The following CSMD3 variants were observed in gnomAD, a reference collection of about 807,000 sequenced individuals.
CSMD3 encodes the protein CUB and Sushi multiple domains 3.
CSMD3 carries 177 observed loss-of-function variants against 435.2 expected under a neutral mutation model. The observed-to-expected ratio is 0.41, with a 90% confidence interval of 0.36 to 0.46. CSMD3 has a LOEUF of 0.46. Ranked by LOEUF, CSMD3 falls within the 20% of genes least tolerant of loss-of-function variation. The pLI is 0.34. For missense variants in CSMD3, 4,265 were observed against 4,504.6 expected (o/e 0.95, Z 1.52); for synonymous variants, 1,656 against 1,520.5 (o/e 1.09, Z -2.07).
intron 13 of CSMD3, among the ~76,000 whole-genome samples, chr8:112,718,415 A>G (rs2076781370): frequency 6.6e-6 from 1 of 151,866 alleles, no homozygotes; most frequent in Non-Finnish European, 1.5e-5. Flanking sequence ...ACTCAACTCA[A>G]AATCACACTT....
At chr8:113,417,999 C>G (rs1188385884) in intron 1 of CSMD3, among the ~76,000 whole-genome samples, 1 of 151,942 alleles carries the variant, frequency 6.6e-6, no homozygotes, top group Non-Finnish European at 1.5e-5. Flanking sequence ...AATATTAGGT[C>G]AATTAATATT....
Position 112,224,687 on chromosome 8 carries a change from CTTTAA to C in CSMD3, c.*79_*83del. 7.1e-7 allele frequency: 1 copy of C among 1,407,660 alleles called. No individual in the cohort carries two copies. Among genetic ancestry groups the C allele is most frequent in the South Asian group, 1.2e-5 (1 of 86,872 alleles). 87.2% of individuals were successfully genotyped at this position (1,407,660 alleles called of 1,614,324 possible). A position where few individuals can be genotyped will look rare whatever the true frequency, so the allele number is the denominator to read the frequency against. The stretch of plus-strand genomic sequence containing the variant: ...GACCCAGCAAGTCCTGAAAAGTGTG[CTTTAA>C]TTTGTTTAGCAGTGAACTAAATGTG... On this transcript the variant is annotated 3_prime_UTR_variant, in exon 71 of 71. Coordinates refer to ENST00000297405, the MANE Select transcript of CSMD3 (RefSeq NM_198123.2).
At position 113,098,799 on chromosome 8, in the gene CSMD3, A is replaced by T. The variant is rs761781645; in HGVS notation, c.874T>A (p.Tyr292Asn). The change falls in exon 5 of 71, where the codon TAT becomes AAT. Residue 292 changes from tyrosine to asparagine, a missense_variant. Around this residue, in one of 3 missense-constraint regions of CSMD3, gnomAD observed 731 missense variants for 755.4 expected, o/e 0.97. Transcript: ENST00000297405. ...IFTDFQMEEK[Y>N]DYLEIEGSEP... ...GAACCTTCTATTTCTAAGTAATCAT[A>T]TTTCTCTTCCATTTGAAAATCAGTA... 6.2e-7 allele frequency: 1 copy of T among 1,612,660 alleles called. No homozygotes were observed.
chr8:112,746,518 A>G (rs563854439), intron 13 of CSMD3, among the ~76,000 whole-genome samples: 1 of 152,244 alleles, frequency 6.6e-6, no homozygotes, highest in Non-Finnish European at 1.5e-5. Context: ...AGCACCTAAT[A>G]TGCTTTATTA....
rs1051018160 is a variant in CSMD3, at chr8:113,137,505, A to T, written c.709+36217T>A. On this transcript the variant is annotated intron_variant, in intron 4 of 70. Coordinates refer to ENST00000297405, the MANE Select transcript of CSMD3 (RefSeq NM_198123.2). Reference sequence around the variant, plus strand: ...ATTTGAGACTGAGTAATTTATAAAAATAGAAATTTATTTCCCATAGTTTTG... The same window carrying T: ...ATTTGAGACTGAGTAATTTATAAAATTAGAAATTTATTTCCCATAGTTTTG... Among the ~76,000 whole-genome samples the T allele has an allele frequency of 1.1e-3, 172 of 151,786 alleles. 1 individual carries two copies. The highest frequency in any genetic ancestry group is 4.1e-3 in the African/African-American group (169 of 41,506).
intron 3 of CSMD3, among the ~76,000 whole-genome samples, chr8:113,189,062 C>T (rs1437348843): frequency 6.6e-6 from 1 of 151,834 alleles, no homozygotes; most frequent in African/African-American, 2.4e-5. Context: ...ATTCAAACCA[C>T]ATTACATTTA....
chr8:112,385,283 T>A (rs895669779), intron 36 of CSMD3, among the ~76,000 whole-genome samples: 2 of 152,178 alleles, frequency 1.3e-5, no homozygotes. Flanking sequence ...ATTATTGTCA[T>A]AAGGGTATCA....
intron 45 of CSMD3, among the ~76,000 whole-genome samples, chr8:112,320,689 G>A (rs1252051580): frequency 3.6e-5 from 5 of 140,826 alleles, no homozygotes; most frequent in Non-Finnish European, 6.1e-5. Context: ...GTTCCCCTTC[G>A]TGTGTTCAAG....
At chr8:112,408,290 T>G in intron 34 of CSMD3, 28 bp downstream of exon 34, 1 of 1,258,324 alleles carries the variant, frequency 7.9e-7, no homozygotes, top group Non-Finnish European at 1.2e-6. Context: ...CATTCCTTAG[T>G]GTGTTTCTAG....
chr8:113,049,226 G>GA (rs2087977026), intron 5 of CSMD3, among the ~76,000 whole-genome samples: 1 of 152,058 alleles, frequency 6.6e-6, no homozygotes, highest in Non-Finnish European at 1.5e-5. Flanking sequence ...GTGACAGAGC[G>GA]AAAATCTGTC....
chr8:112,518,360 T>C (rs1823900583), intron 27 of CSMD3, among the ~76,000 whole-genome samples: 1 of 151,302 alleles, frequency 6.6e-6, no homozygotes, highest in African/African-American at 2.4e-5. Flanking sequence ...AAAAAAAAAT[T>C]AGCCCAGCAT....
intron 3 of CSMD3, among the ~76,000 whole-genome samples, chr8:113,266,198 A>AC (rs1175386606): frequency 6.7e-6 from 1 of 150,048 alleles, no homozygotes; most frequent in South Asian, 2.1e-4. Flanking sequence ...AAAAAAAAAA[A>AC]CTAAAGTAAT....
At position 113,071,123 on chromosome 8, in the gene CSMD3, G is replaced by T. The variant is rs138218253; in HGVS notation, c.917+27633C>A. 3.0e-3 allele frequency among the ~76,000 whole-genome samples: 455 copies of T among 151,740 alleles called. 2 individuals are homozygous for T. Among genetic ancestry groups the T allele is most frequent in the African/African-American group, 9.2e-3 (383 of 41,422 alleles). On this transcript the variant is annotated intron_variant, in intron 5 of 70. Coordinates refer to ENST00000297405, the MANE Select transcript of CSMD3 (RefSeq NM_198123.2). The stretch of plus-strand genomic sequence containing the variant: ...TTGATCATTGGTATGTCCTCACTTG[G>T]GAAATATCTGTTCAAGCGTTTTGCC...
chr8:112,269,181 A>T (rs1817234451), intron 59 of CSMD3, among the ~76,000 whole-genome samples: 1 of 152,174 alleles, frequency 6.6e-6, no homozygotes, highest in African/African-American at 2.4e-5. Flanking sequence ...GCTCAGTTTT[A>T]TGCTGGGATA....
intron 1 of CSMD3, among the ~76,000 whole-genome samples, chr8:113,386,306 C>T (rs1386531694): frequency 6.6e-6 from 1 of 151,890 alleles, no homozygotes; most frequent in Non-Finnish European, 1.5e-5. Flanking sequence ...TGACCATTTA[C>T]AAGCTGTGGG....
At chr8:112,655,991 A>G (rs898167246) in intron 18 of CSMD3, among the ~76,000 whole-genome samples, 163 bp downstream of exon 18, 2 of 152,088 alleles carry the variant, frequency 1.3e-5, no homozygotes, top group African/African-American at 2.4e-5. Flanking sequence ...TCTATTGCAG[A>G]ATTTACTAAA....
intron 13 of CSMD3, among the ~76,000 whole-genome samples, chr8:112,737,332 G>C (rs2077207899): frequency 6.6e-6 from 1 of 151,904 alleles, no homozygotes; most frequent in African/African-American, 2.4e-5. Context: ...ATGATGTTTG[G>C]AACAATCCAA....
intron 30 of CSMD3, 141 bp from the exon 31 acceptor site, chr8:112,492,824 A>G (rs1820832781): frequency 1.4e-6 from 1 of 726,032 alleles, no homozygotes; most frequent in Non-Finnish European, 2.4e-6. Flanking sequence ...GAATATATAC[A>G]GACTTTTTTT....
intron 13 of CSMD3, among the ~76,000 whole-genome samples, chr8:112,745,070 G>A (rs16884039): frequency 2.6e-5 from 4 of 151,970 alleles, no homozygotes; most frequent in Middle Eastern, 3.4e-3. Flanking sequence ...ACAGGTAAGC[G>A]TGGTCAGCTG....
Sources: gnomAD v4.1 joint callset for allele counts (sites outside exome capture counted in the v4.1 genomes callset) on GRCh38, gnomAD v4.1.1 for gene constraint, gnomAD v4.1.1 regional missense constraint, MANE v1.5 for transcripts, NCBI Gene and HGNC (gene_info 2026-07-23, HGNC 2026-07-21) for gene names.